Variants in OOEP observed in about 807,000 individuals in gnomAD.
OOEP encodes oocyte-expressed protein homolog.
In OOEP, 16 loss-of-function variants were observed where a neutral mutation model predicts 13.7. The ratio of observed to expected loss-of-function variants is 1.16; its 90% CI spans 0.79 to 1.77. The LOEUF is 1.77. OOEP is among the 40% of genes most tolerant of loss of function. OOEP has a pLI of 0.00. For missense variants in OOEP, 195 were observed against 193.1 expected, an observed-to-expected ratio of 1.01 and a Z score of -0.06; for synonymous variants, 89 against 77.1, an observed-to-expected ratio of 1.15 and a Z score of -0.81.
chr6:73,369,632 A>G lies in OOEP; in HGVS notation c.161T>C (p.Leu54Pro). The G allele has an allele frequency of 6.2e-7, 1 of 1,613,996 alleles. No homozygotes were observed. Among genetic ancestry groups the G allele is most frequent in the East Asian group, 2.2e-5 (1 of 44,884 alleles). ...QELRDPLVFY[L>P]EAWLADELFG... ...GAGCTCGTCTGCCAGCCATGCCTCT[A>G]GGTAGAACACCAAAGGGTCTCTCAG... Residue 54 changes from leucine to proline, a missense_variant, in exon 1 of 3, where the codon CTA (leucine) becomes CCA (proline). By Grantham distance (98) the Leu-to-Pro change is moderately conservative. Transcript: ENST00000370359.
Position 73,369,725 on chromosome 6 carries a change from T to C in OOEP, c.68A>G (p.Gln23Arg). Reference sequence around the variant, plus strand: ...CGGCGGAAGTGGTAACCTACGCAGCTGCTCCAGGGAGTGGGCCGGAGTCTG... The same window carrying C: ...CGGCGGAAGTGGTAACCTACGCAGCCGCTCCAGGGAGTGGGCCGGAGTCTG... ...GKQTPAHSLE[Q>R]LRRLPLPPPQ... is the part of the protein sequence containing the mutation. Residue 23 changes from glutamine to arginine, a missense_variant, in exon 1 of 3, where the codon CAG becomes CGG. Coordinates refer to ENST00000370359, the MANE Select transcript of OOEP (RefSeq NM_001080507.3). 6.2e-7 allele frequency: 1 copy of C among 1,614,052 alleles called. No individual in the cohort carries two copies. The highest frequency in any genetic ancestry group is 1.6e-4 in the Middle Eastern group (1 of 6,062).
At chr6:73,371,321 GGC>G (rs1293303453), upstream of OOEP, among the ~76,000 whole-genome samples, 14 of 152,204 alleles carry the variant, frequency 9.2e-5, no homozygotes, top group East Asian at 1.9e-3. Context: ...ACCTTAACCT[GGC>G]CAGGCAAGGT....
upstream of OOEP, among the ~76,000 whole-genome samples, chr6:73,370,979 T>C (rs1017851333): frequency 5.3e-5 from 8 of 152,216 alleles, no homozygotes; most frequent in African/African-American, 1.9e-4. Flanking sequence ...TGTTGTTGTT[T>C]GTCTGTTTGT....
chr6:73,394,788 G>C (rs557358091), exon 1 of OOEP: 3 of 1,454,112 alleles, frequency 2.1e-6, no homozygotes, highest in Non-Finnish European at 2.8e-6. Flanking sequence ...GGCTAGCCTC[G>C]TGCGGGCTCC....
chr6:73,392,703 C>T (rs1219035756), intron 2 of OOEP, among the ~76,000 whole-genome samples: 1 of 135,470 alleles, frequency 7.4e-6, no homozygotes, highest in African/African-American at 2.8e-5. Context: ...ACAATCTTGG[C>T]TCACTGCAAC....
intron 2 of OOEP, among the ~76,000 whole-genome samples, chr6:73,380,461 G>A (rs1769191106): frequency 6.6e-6 from 1 of 152,024 alleles, no homozygotes; most frequent in Admixed American, 6.6e-5. Context: ...ATGACCAAAT[G>A]TCTATCTATA....
intron 2 of OOEP, among the ~76,000 whole-genome samples, chr6:73,379,733 C>CT (rs1441262573): frequency 1.3e-5 from 2 of 148,160 alleles, no homozygotes; most frequent in South Asian, 2.2e-4. Context: ...TTTCTCATAT[C>CT]TTTTTTTGTT....
upstream of OOEP, among the ~76,000 whole-genome samples, chr6:73,372,908 C>CT (rs371058661): frequency 0.23 from 30,428 of 134,498 alleles, 3,791 homozygotes; most frequent in Non-Finnish European, 0.29. Context: ...TTTTTCTTTC[C>CT]TTTTTTTTTT....
At chr6:73,373,178 A>T, upstream of OOEP, 1 of 1,611,788 alleles carries the variant, frequency 6.2e-7, no homozygotes, top group Non-Finnish European at 8.5e-7. Context: ...TCCAGTTTTC[A>T]TCCGAATCCA....
exon 1 of OOEP, chr6:73,394,871 C>A: frequency 6.2e-7 from 1 of 1,607,334 alleles, no homozygotes; most frequent in Non-Finnish European, 8.5e-7. Flanking sequence ...CAGAGCTGGA[C>A]GGCAACGACG....
At chr6:73,386,799 C>G (rs879265295) in intron 2 of OOEP, among the ~76,000 whole-genome samples, 1 of 151,620 alleles carries the variant, frequency 6.6e-6, no homozygotes, top group Non-Finnish European at 1.5e-5. Flanking sequence ...AACCCTGTCT[C>G]TATTAAAAAT....
At chr6:73,373,403 G>A (rs1299482229), upstream of OOEP, 7 of 836,828 alleles carry the variant, frequency 8.4e-6, no homozygotes, top group Non-Finnish European at 1.4e-5. Context: ...CAGCTCACTG[G>A]GTAGCTGAGG....
intron 2 of OOEP, among the ~76,000 whole-genome samples, chr6:73,377,157 A>G (rs1242869789): frequency 6.6e-6 from 1 of 152,194 alleles, no homozygotes; most frequent in African/African-American, 2.4e-5. Context: ...AACTGACTAC[A>G]ATCTTAAGCC....
chr6:73,381,695 A>G (rs1025842134), intron 2 of OOEP, among the ~76,000 whole-genome samples: 4 of 152,078 alleles, frequency 2.6e-5, no homozygotes, highest in African/African-American at 4.8e-5. Flanking sequence ...AATATAAAAA[A>G]CCAGGCTGGG....
intron 2 of OOEP, among the ~76,000 whole-genome samples, chr6:73,378,192 TC>T (rs1383205440): frequency 1.3e-5 from 2 of 152,056 alleles, no homozygotes; most frequent in South Asian, 2.1e-4. Context: ...AACCTCCACT[TC>T]CAGGGCTCAA....
upstream of OOEP, among the ~76,000 whole-genome samples, chr6:73,372,008 G>A (rs1769065662): frequency 1.3e-5 from 2 of 152,046 alleles, no homozygotes; most frequent in Non-Finnish European, 2.9e-5. Flanking sequence ...TTTAGGAGGT[G>A]GAGGCTAGCA....
At chr6:73,369,958 A>G (rs1769023935), upstream of OOEP, 3 of 613,540 alleles carry the variant, frequency 4.9e-6, no homozygotes, top group Non-Finnish European at 5.8e-6. Context: ...ACGCCCCGGC[A>G]TAGCGGCACC....
upstream of OOEP, among the ~76,000 whole-genome samples, chr6:73,373,800 G>A (rs1476508612): frequency 1.3e-5 from 2 of 152,022 alleles, no homozygotes; most frequent in Admixed American, 6.6e-5. Flanking sequence ...TGTTGTCCAG[G>A]CTGGTCTCGA....
chr6:73,369,860 G>A lies in OOEP; in HGVS notation c.-68C>T. ...CAAGACCTCTTCCAGACCCAGGCGC[G>A]AAGCTCGGGCTCTCTTTTACCATAT... is the stretch of plus-strand genomic sequence containing the variant. On this transcript the variant is annotated 5_prime_UTR_variant, in exon 1 of 3. Coordinates refer to ENST00000370359, the MANE Select transcript of OOEP (RefSeq NM_001080507.3). 7 of 1,433,758 alleles carry A rather than the reference G, an allele frequency of 4.9e-6. No individual in the cohort carries two copies. Among genetic ancestry groups the A allele is most frequent in the South Asian group, 3.7e-5 (3 of 82,154 alleles). The allele number at this position is 1,433,758 out of a possible 1,614,324, so 88.8% of individuals were successfully genotyped here. A position where few individuals can be genotyped will look rare whatever the true frequency, so the allele number is the denominator to read the frequency against.
Sources: allele counts gnomAD v4.1 joint callset (sites outside exome capture counted in the v4.1 genomes callset), GRCh38; gene constraint gnomAD v4.1.1; transcripts MANE v1.5; gene names NCBI Gene and HGNC (gene_info 2026-07-23, HGNC 2026-07-21).